The following MYO1F variants were observed in gnomAD, a reference collection of about 807,000 sequenced individuals.
MYO1F encodes the protein myosin IF, also known as unconventional myosin-If.
MYO1F carries 60 observed loss-of-function variants against 146.6 expected under a neutral mutation model. The observed-to-expected ratio is 0.41, with a 90% CI of 0.33 to 0.51. The LOEUF (loss-of-function observed/expected upper bound fraction) is 0.51, where lower values mean the gene tolerates loss of function less well. Ranked by LOEUF, MYO1F falls within the 20% of genes least tolerant of loss-of-function variation. MYO1F has a pLI of 0.25. For synonymous variants in MYO1F, 602 were observed against 602.1 expected (o/e 1.00, Z 0.00); for missense variants, 1,274 against 1,534.3 (o/e 0.83, Z 2.83).
chr19:8,575,568 A>G (rs4488592), intron 1 of MYO1F, among the ~76,000 whole-genome samples: 36,010 of 151,862 alleles, frequency 0.24, 5,165 homozygotes, highest in South Asian at 0.35. Context: ...CAGACAGACC[A>G]TGGCCCGATA....
Position 8,544,339 on chromosome 19 carries a change from G to A in MYO1F, c.1482C>T (p.Asn494=), listed in dbSNP as rs767831999. ...GGATGACGAAGCCGGCGCTCCAGCT[G>A]TTGAAATGCTCGTGGGTCCCCACAG... ...QAAVGTHEHF[N]SWSAGFVIHH... The change falls in exon 14 of 28, where the codon AAC becomes AAT. Residue 494 remains asparagine (N), a synonymous_variant. Coordinates refer to ENST00000644032, the MANE Select transcript of MYO1F (RefSeq NM_012335.4). The A allele has an allele frequency of 1.2e-6, 2 of 1,613,212 alleles. No individual in the cohort carries two copies. Among genetic ancestry groups the A allele is most frequent in the Admixed American group, 1.7e-5 (1 of 59,992 alleles).
At position 8,522,723 on chromosome 19, in the gene MYO1F, T is replaced by C. The variant is rs754112921; in HGVS notation, c.2961A>G (p.Thr987=). ...THRPPRGPPS[T]SLGASRRPRA... is the part of the protein sequence containing the mutation. ...GGGGTCGTCTGCTGGCTCCCAGGGA[T>C]GTGGACGGAGGGCCCCGGGGAGGCC... Residue 987 remains threonine (T), a synonymous_variant, in exon 26 of 28, where the codon ACA becomes ACG. Transcript: ENST00000644032. The C allele has an allele frequency of 3.1e-6, 5 of 1,613,562 alleles. No homozygotes were observed. The East Asian group carries it at 1.1e-4, about 36-fold the overall frequency.
intron 1 of MYO1F, among the ~76,000 whole-genome samples, chr19:8,568,547 C>T (rs192878329): frequency 3.3e-5 from 5 of 151,444 alleles, no homozygotes; most frequent in African/African-American, 1.2e-4. Flanking sequence ...GGATTGGGGT[C>T]AAAGCCTGGC....
chr19:8,530,178 C>T lies in MYO1F; in HGVS notation c.2328+18G>A, dbSNP rs200935728. 40 of 1,613,964 alleles carry T rather than the reference C, an allele frequency of 2.5e-5. No homozygotes were observed. The East Asian group carries it at 8.5e-4, about 34-fold the overall frequency. ...GCTGTAGTCAGGGTCTTGCTGTGCC[C>T]ACCCACTAGTGCCTCACCTTGAAGC... On this transcript the variant is annotated intron_variant, in intron 21 of 27. Transcript: ENST00000644032. The surrounding 1 kb of genome is among the most constrained non-coding windows in gnomAD (Gnocchi z 5.8).
chr19:8,530,432 C>T lies in MYO1F; in HGVS notation c.2158+27G>A, dbSNP rs370964798. Reference sequence around the variant, plus strand: ...TCCTCCAGGTCCTTGTGCCCCCACCCCGCGCCGTTTACCCGAAGCCTCTCA... The same window carrying T: ...TCCTCCAGGTCCTTGTGCCCCCACCTCGCGCCGTTTACCCGAAGCCTCTCA... On this transcript the variant is annotated intron_variant, in intron 20 of 27. Transcript: ENST00000644032. This position sits in a 1 kb window ranked among gnomAD's most constrained non-coding sequence, Gnocchi z 5.8. 3 of 1,613,564 alleles carry T rather than the reference C, an allele frequency of 1.9e-6. No homozygotes were observed. The highest frequency in any genetic ancestry group is 2.5e-6 in the Non-Finnish European group (3 of 1,179,988).
Position 8,522,803 on chromosome 19 carries a change from A to AG in MYO1F, c.2880dup (p.Ser961LeufsTer52). The AG allele has an allele frequency of 6.3e-7, 1 of 1,588,276 alleles. No homozygotes were observed. ...AGGGGCAGGGGGCCCCCTCTGGCAG[A>AG]GGGGGGCACCCCATTGCGATCCATG... On this transcript the variant is annotated frameshift_variant, in exon 26 of 28. Transcript: ENST00000644032. LOFTEE classifies it high-confidence loss of function.
At chr19:8,524,712 A>C (rs1972195539) in intron 25 of MYO1F, among the ~76,000 whole-genome samples, 1 of 152,116 alleles carries the variant, frequency 6.6e-6, no homozygotes, top group African/African-American at 2.4e-5. Context: ...GGTGTGAGCC[A>C]TCTTGCCTGG....
chr19:8,565,213 T>C (rs887337076), intron 1 of MYO1F, among the ~76,000 whole-genome samples: 1 of 151,658 alleles, frequency 6.6e-6, no homozygotes, highest in African/African-American at 2.4e-5. Context: ...ATTTTCAAGA[T>C]GGGGAGACCA....
chr19:8,532,907 C>CACACACACACACACACACACACACAA (rs1972547304), intron 19 of MYO1F, among the ~76,000 whole-genome samples: 1 of 49,252 alleles, frequency 2.0e-5, no homozygotes, highest in Non-Finnish European at 3.7e-5. Context: ...AAAAAATACA[C>CACACACACACACACACACACACACAA]ACACACACAC....
intron 19 of MYO1F, among the ~76,000 whole-genome samples, chr19:8,532,949 CAA>C (rs1972552437): frequency 1.4e-5 from 2 of 139,312 alleles, no homozygotes; most frequent in African/African-American, 2.7e-5. Flanking sequence ...CACACACACA[CAA>C]TTGGGCTTTA....
At chr19:8,560,344 G>A (rs1017089529) in intron 1 of MYO1F, among the ~76,000 whole-genome samples, 2 of 151,758 alleles carry the variant, frequency 1.3e-5, no homozygotes, top group Non-Finnish European at 2.9e-5. Flanking sequence ...AAGTAGCCGG[G>A]TGTGGGGGTG....
Position 8,521,524 on chromosome 19 carries a change from C to T in MYO1F, c.*4G>A, listed in dbSNP as rs1271936861. 6.2e-7 allele frequency: 1 copy of T among 1,613,948 alleles called. No homozygotes were observed. The highest frequency in any genetic ancestry group is 1.1e-5 in the South Asian group (1 of 91,042). ...AAAGAGAAGGCAGTATCCCAGGGCC[C>T]AGCTCAGATCTTCTCCACGTAGTTT... On this transcript the variant is annotated 3_prime_UTR_variant, in exon 28 of 28. Transcript: ENST00000644032.
At chr19:8,574,565 TTCTTTCTTTCTTTC>T (rs1233003619) in intron 1 of MYO1F, among the ~76,000 whole-genome samples, 10 of 86,172 alleles carry the variant, frequency 1.2e-4, no homozygotes, top group Admixed American at 5.3e-4. Flanking sequence ...CTTTCTTTCT[TTCTTTCTTTCTTTC>T]TCTCTCTCTC....
intron 1 of MYO1F, among the ~76,000 whole-genome samples, chr19:8,572,237 C>T (rs547389594): frequency 1.3e-5 from 2 of 150,800 alleles, no homozygotes; most frequent in East Asian, 2.0e-4. Flanking sequence ...TTCATTGTTA[C>T]GTTCACTCTT....
At chr19:8,564,929 A>G (rs2041975631) in intron 1 of MYO1F, among the ~76,000 whole-genome samples, 1 of 151,694 alleles carries the variant, frequency 6.6e-6, no homozygotes, top group Admixed American at 6.6e-5. Flanking sequence ...CCTGCCACCA[A>G]GCCAGGCTGA....
chr19:8,555,283 T>G, intron 2 of MYO1F: 1 of 264,428 alleles, frequency 3.8e-6, no homozygotes, highest in South Asian at 4.0e-5. Context: ...GGCAGGAGAA[T>G]CATTTGAATC....
chr19:8,554,417 G>GCT, intron 4 of MYO1F, 60 bp downstream of exon 4: 1 of 1,401,214 alleles, frequency 7.1e-7, no homozygotes, highest in Non-Finnish European at 1.0e-6. Flanking sequence ...CCCTGGGGGT[G>GCT]GTGATGTTTC....
At chr19:8,525,623 A>G (rs1188424306) in intron 24 of MYO1F, 61 bp from the exon 25 acceptor site, 2 of 1,429,476 alleles carry the variant, frequency 1.4e-6, no homozygotes, top group Non-Finnish European at 1.9e-6. Flanking sequence ...CCCCGCCCAC[A>G]AATCTAGTCC....
In MYO1F at chr19:8,521,472, C is replaced by A. The variant is rs1599899233; in HGVS notation, c.*56G>T. The stretch of plus-strand genomic sequence containing the variant: ...CTCATTGGCAGGGCCTGGCTCCCCA[C>A]CAGGCCGGCAGGCAGATAGGCGGGC... On this transcript the variant is annotated 3_prime_UTR_variant, in exon 28 of 28. Coordinates refer to ENST00000644032, the MANE Select transcript of MYO1F (RefSeq NM_012335.4). 35 of 1,587,392 alleles carry A rather than the reference C, an allele frequency of 2.2e-5. No individual in the cohort carries two copies. The East Asian group carries it at 7.6e-4, about 35-fold the overall frequency.
Sources: allele counts gnomAD v4.1 joint callset (sites outside exome capture counted in the v4.1 genomes callset), GRCh38; gene constraint gnomAD v4.1.1; non-coding constraint Gnocchi (gnomAD v3.1); transcripts MANE v1.5; gene names NCBI Gene and HGNC (gene_info 2026-07-23, HGNC 2026-07-21).